Variants in OPHN1 observed in about 807,000 individuals in gnomAD.
The protein encoded by OPHN1 is oligophrenin-1.
A neutral mutation model predicts 60.7 loss-of-function variants in OPHN1; 11 were observed. The ratio of observed to expected loss-of-function variants is 0.18; its 90% CI spans 0.11 to 0.30. The LOEUF (loss-of-function observed/expected upper bound fraction) is 0.30. Among genes scored for constraint, OPHN1 ranks in the 10% least tolerant of loss-of-function variants. The probability of loss-of-function intolerance (pLI) is 1.00; values close to 1 mark genes in which losing one functional copy is unlikely to be tolerated. For missense variants in OPHN1, 449 were observed against 611.0 expected (o/e 0.73, Z 2.80); for synonymous variants, 226 against 222.6 (o/e 1.02, Z -0.14).
chrX:68,129,964 T>C (rs1408954974), intron 15 of OPHN1, among the ~76,000 whole-genome samples: 2 of 111,444 alleles, frequency 1.8e-5, no homozygotes, highest in Non-Finnish European at 1.9e-5. Context: ...TTTTGGGCTC[T>C]TAAATATCAC....
chrX:68,195,714 C>G (rs1019966559), intron 12 of OPHN1, among the ~76,000 whole-genome samples: 8 of 111,990 alleles, frequency 7.1e-5, no homozygotes, highest in African/African-American at 1.9e-4. Flanking sequence ...TGAACAGCCT[C>G]TCCTTAAAAT....
chrX:68,193,579 A>G (rs1427042233), intron 14 of OPHN1, among the ~76,000 whole-genome samples: 1 of 111,865 alleles, frequency 8.9e-6, no homozygotes, highest in Non-Finnish European at 1.9e-5. Context: ...TTTTCATACC[A>G]GTATGTACTG....
chrX:68,301,183 C>T (rs2078118135), intron 2 of OPHN1, among the ~76,000 whole-genome samples: 3 of 111,565 alleles, frequency 2.7e-5, no homozygotes, highest in South Asian at 3.7e-4. Context: ...TGGTGGCTCA[C>T]GCCTGTAATC....
At chrX:68,363,653 G>A (rs895425132) in intron 2 of OPHN1, among the ~76,000 whole-genome samples, 1 of 111,473 alleles carries the variant, frequency 9.0e-6, no homozygotes, top group Non-Finnish European at 1.9e-5. Context: ...AATTGGGAGA[G>A]TATAGGTATA....
intron 2 of OPHN1, among the ~76,000 whole-genome samples, chrX:68,372,362 C>A (rs2078533581): frequency 9.0e-6 from 1 of 111,246 alleles, no homozygotes; most frequent in Admixed American, 9.7e-5. Flanking sequence ...ATGAATGTAA[C>A]CAATGCCACT....
At chrX:68,423,685 T>C (rs1000473213) in intron 2 of OPHN1, among the ~76,000 whole-genome samples, 2 of 111,823 alleles carry the variant, frequency 1.8e-5, no homozygotes, top group African/African-American at 6.5e-5. Flanking sequence ...CAATAGGTAG[T>C]CATTTATAAC....
intron 2 of OPHN1, among the ~76,000 whole-genome samples, chrX:68,409,064 T>C (rs2078757432): frequency 8.9e-6 from 1 of 112,632 alleles, no homozygotes; most frequent in African/African-American, 3.2e-5. Context: ...AGTCTTTAAG[T>C]CTCAATCGAC....
intron 6 of OPHN1, among the ~76,000 whole-genome samples, chrX:68,217,245 A>G (rs1223013732): frequency 6.2e-5 from 7 of 112,094 alleles, no homozygotes; most frequent in Admixed American, 2.8e-4. Context: ...GAGCACCACG[A>G]GATTATATCC....
intron 15 of OPHN1, among the ~76,000 whole-genome samples, chrX:68,141,091 C>A (rs891179168): frequency 1.8e-5 from 2 of 111,915 alleles, no homozygotes; most frequent in African/African-American, 6.5e-5. Flanking sequence ...TGACCCTTTA[C>A]TGGGCTGTTA....
intron 18 of OPHN1, among the ~76,000 whole-genome samples, chrX:68,108,220 T>C (rs1246912102): frequency 8.9e-6 from 1 of 112,356 alleles, no homozygotes; most frequent in Non-Finnish European, 1.9e-5. Flanking sequence ...TGTTCTTTCT[T>C]GCTTGGTGGT....
At chrX:68,267,527 C>T (rs2077937723) in intron 5 of OPHN1, among the ~76,000 whole-genome samples, 1 of 112,039 alleles carries the variant, frequency 8.9e-6, no homozygotes, top group African/African-American at 3.2e-5. Context: ...ACATTCAAAG[C>T]AGTGTGTAGA....
intron 20 of OPHN1, among the ~76,000 whole-genome samples, chrX:68,072,094 C>A (rs1426543564): frequency 8.9e-6 from 1 of 111,848 alleles, no homozygotes; most frequent in Non-Finnish European, 1.9e-5. Flanking sequence ...TTGACCTTAG[C>A]AACTGGATGA....
chrX:68,276,587 T>C (rs1404206416), intron 4 of OPHN1, among the ~76,000 whole-genome samples: 2 of 111,847 alleles, frequency 1.8e-5, no homozygotes, highest in African/African-American at 3.2e-5. Flanking sequence ...GTACAGAAAG[T>C]CATTTTTCTC....
chrX:68,192,472 CAAA>C (rs11288704), intron 15 of OPHN1, among the ~76,000 whole-genome samples: 1 of 89,742 alleles, frequency 1.1e-5, no homozygotes, highest in Non-Finnish European at 2.2e-5. Context: ...GACCCTGTCT[CAAA>C]AAAAAAAAAA....
At chrX:68,329,289 T>A (rs896227723) in intron 2 of OPHN1, among the ~76,000 whole-genome samples, 12 of 112,176 alleles carry the variant, frequency 1.1e-4, no homozygotes, top group African/African-American at 3.9e-4. Context: ...TATAAATGTG[T>A]ATAAGCACTC....
intron 2 of OPHN1, among the ~76,000 whole-genome samples, chrX:68,350,342 T>C (rs2078401143): frequency 9.0e-6 from 1 of 110,805 alleles, no homozygotes; most frequent in African/African-American, 3.3e-5. Flanking sequence ...AGGAAGAGCC[T>C]GCCTTTCTTT....
intron 9 of OPHN1, among the ~76,000 whole-genome samples, chrX:68,209,410 T>C (rs374766960): frequency 1.8e-5 from 2 of 111,337 alleles, no homozygotes; most frequent in African/African-American, 6.5e-5. Flanking sequence ...TACAAAAAAT[T>C]CAAAACTTAG....
chrX:68,321,198 C>G (rs2078233469), intron 2 of OPHN1, among the ~76,000 whole-genome samples: 1 of 111,735 alleles, frequency 8.9e-6, no homozygotes, highest in African/African-American at 3.3e-5. Flanking sequence ...CTGCCTTAGT[C>G]TTTATGGTGA....
intron 2 of OPHN1, among the ~76,000 whole-genome samples, chrX:68,311,212 C>T (rs768776542): frequency 1.8e-5 from 2 of 111,739 alleles, no homozygotes; most frequent in South Asian, 7.6e-4. Flanking sequence ...GAGGTCAAGG[C>T]TTGCAGTAAG....
Sources: gnomAD v4.1 joint callset for allele counts (sites outside exome capture counted in the v4.1 genomes callset) on GRCh38, gnomAD v4.1.1 for gene constraint, MANE v1.5 for transcripts, NCBI Gene and HGNC (gene_info 2026-07-23, HGNC 2026-07-21) for gene names.